IL12RB2: variants seen among roughly 807,000 people sequenced by gnomAD.
IL12RB2 encodes the protein interleukin 12 receptor subunit beta 2.
In IL12RB2, 82 loss-of-function variants were observed where a neutral mutation model predicts 89.4. That is an observed-to-expected ratio of 0.92 (90% CI 0.77 to 1.10). The LOEUF (loss-of-function observed/expected upper bound fraction) is 1.10. Among genes scored for constraint, IL12RB2 ranks in the 50% least tolerant of loss-of-function variants. IL12RB2 has a pLI of 0.00. For synonymous variants in IL12RB2, 368 were observed against 370.1 expected, an observed-to-expected ratio of 0.99 and a Z score of 0.07; for missense variants, 963 against 1,031.9, an observed-to-expected ratio of 0.93 and a Z score of 0.92.
chr1:67,356,336 A>G (rs1661392438), intron 10 of IL12RB2, among the ~76,000 whole-genome samples: 1 of 152,270 alleles, frequency 6.6e-6, no homozygotes, highest in East Asian at 1.9e-4. Flanking sequence ...TCCTGTTGTG[A>G]TCGCTGCCCA....
intron 10 of IL12RB2, among the ~76,000 whole-genome samples, chr1:67,352,969 T>C (rs896315947): frequency 1.3e-5 from 2 of 152,248 alleles, no homozygotes; most frequent in African/African-American, 4.8e-5. Context: ...AAATTAAACT[T>C]GTATCTTTTG....
chr1:67,348,992 G>A (rs958625896), intron 9 of IL12RB2, among the ~76,000 whole-genome samples: 8 of 152,132 alleles, frequency 5.3e-5, no homozygotes, highest in Admixed American at 5.2e-4. Context: ...GAAAATGTAA[G>A]AGTCTGGGTC....
intron 16 of IL12RB2, 146 bp downstream of exon 16, chr1:67,390,274 A>T: frequency 1.5e-6 from 1 of 660,662 alleles, no homozygotes; most frequent in Non-Finnish European, 2.8e-6. Flanking sequence ...CTGAGTCATC[A>T]TTCTCATTTT....
intron 10 of IL12RB2, among the ~76,000 whole-genome samples, chr1:67,352,069 C>A (rs1660908786): frequency 6.6e-6 from 1 of 152,092 alleles, no homozygotes; most frequent in Non-Finnish European, 1.5e-5. Flanking sequence ...ACTGTTAAAT[C>A]TTGGTTATAT....
chr1:67,392,322 A>G (rs1441820400), intron 16 of IL12RB2, among the ~76,000 whole-genome samples: 1 of 152,226 alleles, frequency 6.6e-6, no homozygotes. Flanking sequence ...GTACATCCAT[A>G]CAATAGGGTA....
intron 13 of IL12RB2, 89 bp from the exon 14 acceptor site, chr1:67,379,897 T>A: frequency 9.7e-7 from 1 of 1,031,692 alleles, no homozygotes; most frequent in Non-Finnish European, 1.5e-6. Context: ...CCAAATTAAA[T>A]GAAGCATTAA....
Position 67,398,517 on chromosome 1 carries a change from A to ATT in IL12RB2, c.*2440_*2441dup, listed in dbSNP as rs879804821. Among the ~76,000 whole-genome samples the ATT allele has an allele frequency of 1.4e-5, 2 of 145,560 alleles. No individual in the cohort carries two copies. Among genetic ancestry groups the ATT allele is most frequent in the South Asian group, 2.2e-4 (1 of 4,586 alleles). ...TTTGTCTTCCCAAAAAAAAAAAAGA[A>ATT]TTTTTTTTTTTTTAAGGAATCCTTC... is the stretch of plus-strand genomic sequence containing the variant. On this transcript the variant is annotated 3_prime_UTR_variant, in exon 17 of 17. Coordinates refer to ENST00000674203, the MANE Select transcript of IL12RB2 (RefSeq NM_001374259.2).
chr1:67,342,063 A>AGGGAATGCTGT (rs1553314586), intron 9 of IL12RB2, among the ~76,000 whole-genome samples: 1 of 152,184 alleles, frequency 6.6e-6, no homozygotes, highest in Non-Finnish European at 1.5e-5. Flanking sequence ...TGGGAATTCA[A>AGGGAATGCTGT]GGGAATGCTG....
chr1:67,355,869 T>A (rs1201369338), intron 10 of IL12RB2, among the ~76,000 whole-genome samples: 1 of 152,160 alleles, frequency 6.6e-6, no homozygotes, highest in Non-Finnish European at 1.5e-5. Flanking sequence ...AAATTCTAGG[T>A]TGGTTCCTGG....
At chr1:67,317,009 A>G (rs1217040281) in intron 2 of IL12RB2, among the ~76,000 whole-genome samples, 4 of 152,174 alleles carry the variant, frequency 2.6e-5, no homozygotes, top group Non-Finnish European at 5.9e-5. Context: ...GCAGCTGCTT[A>G]ATACATATTT....
chr1:67,361,884 A>T (rs1481871397), intron 10 of IL12RB2, among the ~76,000 whole-genome samples: 1 of 152,232 alleles, frequency 6.6e-6, no homozygotes, highest in African/African-American at 2.4e-5. Flanking sequence ...AAATGGCAGA[A>T]AATCAAAGAT....
chr1:67,384,173 G>C (rs11582405), intron 14 of IL12RB2, among the ~76,000 whole-genome samples: 71,124 of 152,140 alleles, frequency 0.47, 18,808 homozygotes, highest in Non-Finnish European at 0.58. Flanking sequence ...TAAGGGCTCC[G>C]CCCCTGCAGC....
Position 67,395,667 on chromosome 1 carries a change from T to A in IL12RB2, c.2167T>A (p.Cys723Ser), listed in dbSNP as rs144657291. 1.5e-3 allele frequency: 2,418 copies of A among 1,614,196 alleles called. 14 individuals are homozygous for A. Among genetic ancestry groups the A allele is most frequent in the South Asian group, 9.9e-3 (901 of 91,084 alleles). ...GACCCCAGTTTTCAGACATCCCCCC[T>A]GCTCCAACTGGCCACAAAGGGAAAA... Reference protein sequence around the residue: ...QVTPVFRHPPCSNWPQREKGI... With the variant: ...QVTPVFRHPPSSNWPQREKGI... The change falls in exon 17 of 17, where the codon TGC becomes AGC. Residue 723 changes from cysteine (C) to serine (S), a missense_variant. Coordinates refer to ENST00000674203, the MANE Select transcript of IL12RB2 (RefSeq NM_001374259.2).
intron 2 of IL12RB2, among the ~76,000 whole-genome samples, chr1:67,317,679 G>A (rs1655948823): frequency 6.6e-6 from 1 of 152,188 alleles, no homozygotes; most frequent in South Asian, 2.1e-4. Flanking sequence ...TCTTTGGTGG[G>A]CCATTTTCCT....
At chr1:67,341,829 C>T (rs1371979287) in intron 9 of IL12RB2, among the ~76,000 whole-genome samples, 1 of 152,244 alleles carries the variant, frequency 6.6e-6, no homozygotes, top group Non-Finnish European at 1.5e-5. Context: ...AATGGAAACA[C>T]TGACCAGAGT....
rs1303229704 is a variant in IL12RB2 at position 67,328,350 on chromosome 1, T to C, written c.630T>C (p.Ser210=). ...CTGTCAATAGTCTTGGAAGCTCCTC[T>C]TCACTTCCATCCACATTCACATTCT... is the stretch of plus-strand genomic sequence containing the variant. ...VTAVNSLGSS[S]SLPSTFTFLD... Residue 210 remains serine (S), a synonymous_variant, in exon 6 of 17, where the codon TCT becomes TCC. Coordinates refer to ENST00000674203, the MANE Select transcript of IL12RB2 (RefSeq NM_001374259.2). 1.9e-6 allele frequency: 3 copies of C among 1,614,184 alleles called. No individual in the cohort carries two copies. The East Asian group carries it at 6.7e-5, about 36-fold the overall frequency.
chr1:67,312,366 A>G (rs1655180367), intron 1 of IL12RB2, among the ~76,000 whole-genome samples: 1 of 152,196 alleles, frequency 6.6e-6, no homozygotes, highest in East Asian at 1.9e-4. Context: ...GAGGTCATGT[A>G]GTTTATTTGA....
At position 67,395,821 on chromosome 1, in the gene IL12RB2, G is replaced by A. The variant is rs1221539629; in HGVS notation, c.2321G>A (p.Gly774Asp). 2 of 1,612,418 alleles carry A rather than the reference G, an allele frequency of 1.2e-6. No homozygotes were observed. The highest frequency in any genetic ancestry group is 4.5e-5 in the East Asian group (2 of 44,846). The change falls in exon 17 of 17, where the codon GGC becomes GAC. Residue 774 changes from glycine to aspartate, a missense_variant. Gly to Asp is a moderately conservative substitution (Grantham distance 94). Transcript: ENST00000674203. ...VDLYKVLESR[G>D]SDPKPENPAC... ...CTGTACAAGGTGCTGGAGAGCAGGG[G>A]CTCCGACCCAAAGCCCGAAAACCCA...
intron 13 of IL12RB2, among the ~76,000 whole-genome samples, chr1:67,379,527 A>AAAAAAAAC: frequency 6.6e-6 from 1 of 151,322 alleles, no homozygotes; most frequent in Non-Finnish European, 1.5e-5. Context: ...AAAAAAAAAA[A>AAAAAAAAC]AAAAGTTCCA....
Sources: gnomAD v4.1 joint callset for allele counts (sites outside exome capture counted in the v4.1 genomes callset) on GRCh38, gnomAD v4.1.1 for gene constraint, MANE v1.5 for transcripts, NCBI Gene and HGNC (gene_info 2026-07-23, HGNC 2026-07-21) for gene names.